The following PNPT1 variants were observed in gnomAD, a reference collection of about 807,000 sequenced individuals.
PNPT1 encodes polyribonucleotide nucleotidyltransferase 1, mitochondrial.
PNPT1 carries 53 observed loss-of-function variants against 119.5 expected under a neutral mutation model. The ratio of observed to expected loss-of-function variants is 0.44; its 90% CI spans 0.36 to 0.56. PNPT1 has a LOEUF of 0.56. Among genes scored for constraint, PNPT1 ranks in the 20% least tolerant of loss-of-function variants. The pLI is 0.00. For synonymous variants in PNPT1, 357 were observed against 322.1 expected (o/e 1.11, Z -1.16); for missense variants, 948 against 938.5 (o/e 1.01, Z -0.13).
intron 8 of PNPT1, 63 bp from the exon 9 acceptor site, chr2:55,673,142 T>C: frequency 7.8e-7 from 1 of 1,287,940 alleles, no homozygotes; most frequent in Non-Finnish European, 1.1e-6. Flanking sequence ...TATAACATTT[T>C]CAAATACCAT....
At chr2:55,645,933 T>C (rs1260566123) in intron 21 of PNPT1, among the ~76,000 whole-genome samples, 2 of 152,100 alleles carry the variant, frequency 1.3e-5, no homozygotes, top group East Asian at 1.9e-4. Flanking sequence ...GCTCAAGCGA[T>C]TCTCTTGTCT....
At chr2:55,637,981 CAG>C (rs369189051) in intron 26 of PNPT1, among the ~76,000 whole-genome samples, 22 of 133,330 alleles carry the variant, frequency 1.7e-4, no homozygotes, top group African/African-American at 6.0e-4. Flanking sequence ...GCCTGGGTGA[CAG>C]AGAGAGAATC....
chr2:55,689,123 C>T (rs1372498892), intron 1 of PNPT1, among the ~76,000 whole-genome samples: 3 of 152,008 alleles, frequency 2.0e-5, no homozygotes, highest in African/African-American at 7.3e-5. Context: ...AAATTTAAAA[C>T]TTTAATTAAG....
chr2:55,674,497 G>A lies in PNPT1; in HGVS notation c.680-1418C>T, dbSNP rs528603281. ...AGTCCCAGCTACTCAGGAGGCTGAGGCATGAGAATCACTTGAACCCAGGAG... is the reference window on the plus strand; with the variant it reads ...AGTCCCAGCTACTCAGGAGGCTGAGACATGAGAATCACTTGAACCCAGGAG... On this transcript the variant is annotated intron_variant, in intron 8 of 27. Transcript: ENST00000447944. Among the ~76,000 whole-genome samples the A allele has an allele frequency of 2.0e-5, 3 of 152,266 alleles. No homozygotes were observed. In the South Asian group the frequency reaches 6.2e-4, roughly 32 times the overall value.
intron 26 of PNPT1, among the ~76,000 whole-genome samples, chr2:55,639,509 T>A (rs780139014): frequency 6.6e-6 from 1 of 152,212 alleles, no homozygotes; most frequent in Non-Finnish European, 1.5e-5. Flanking sequence ...AAAACTGATA[T>A]CTTAATTTCA....
Position 55,644,673 on chromosome 2 carries a change from C to A in PNPT1, c.1870G>T (p.Gly624Cys). Residue 624 changes from glycine to cysteine, a missense_variant, in exon 23 of 28, where the codon GGT (glycine) becomes TGT (cysteine). Gly to Cys is a radical substitution (Grantham distance 159). Transcript: ENST00000447944. ...LSKRAKFVGP[G>C]GYNLKKLQAE... The stretch of plus-strand genomic sequence containing the variant: ...TGAAGTTTTTTTAAGTTATAGCCAC[C>A]AGGTCCAACAAATTTTGCTCGTTTT... 1 of 1,612,644 alleles carries A rather than the reference C, an allele frequency of 6.2e-7. No homozygotes were observed. Among genetic ancestry groups the A allele is most frequent in the Non-Finnish European group, 8.5e-7 (1 of 1,178,992 alleles).
At chr2:55,667,158 T>C in intron 12 of PNPT1, 65 bp from the exon 13 acceptor site, 1 of 1,263,652 alleles carries the variant, frequency 7.9e-7, no homozygotes, top group Non-Finnish European at 1.1e-6. Flanking sequence ...CATGTCTTTA[T>C]CTCTCCCAGG....
At chr2:55,655,900 G>T (rs538075867) in intron 17 of PNPT1, among the ~76,000 whole-genome samples, 4 of 152,102 alleles carry the variant, frequency 2.6e-5, no homozygotes, top group Non-Finnish European at 5.9e-5. Flanking sequence ...AGCCAAACTG[G>T]ATCTACTATA....
At chr2:55,651,822 C>T (rs1696217606) in intron 18 of PNPT1, among the ~76,000 whole-genome samples, 1 of 141,358 alleles carries the variant, frequency 7.1e-6, no homozygotes, top group Non-Finnish European at 1.5e-5. Flanking sequence ...CTGTATAAAG[C>T]TATCCTTCCT....
Position 55,636,084 on chromosome 2 carries a change from AT to A in PNPT1, c.*152del, listed in dbSNP as rs1695661332. 1.4e-5 allele frequency: 6 copies of A among 428,664 alleles called. No individual in the cohort carries two copies. In the East Asian group the frequency reaches 1.5e-4, roughly 11 times the overall value. The allele number at this position is 428,664 out of a possible 1,614,324, so 26.6% of individuals were successfully genotyped here. On this transcript the variant is annotated 3_prime_UTR_variant, in exon 28 of 28. Coordinates refer to ENST00000447944, the MANE Select transcript of PNPT1 (RefSeq NM_033109.5). ...AATATGGGTTACTCGAATTAAAAAA[AT>A]GGCACATGTAAATGAGCATTTTAGT...
At chr2:55,665,820 A>G (rs765250010) in intron 13 of PNPT1, among the ~76,000 whole-genome samples, 17 of 152,246 alleles carry the variant, frequency 1.1e-4, no homozygotes, top group Non-Finnish European at 2.1e-4. Flanking sequence ...GAATTAAAGA[A>G]ACAATTAATG....
intron 21 of PNPT1, among the ~76,000 whole-genome samples, chr2:55,646,048 G>A (rs935493210): frequency 1.3e-5 from 2 of 151,996 alleles, no homozygotes; most frequent in African/African-American, 2.4e-5. Context: ...GGCTGGTCTC[G>A]AACTCCTGAC....
Position 55,671,304 on chromosome 2 carries a change from T to A in PNPT1, c.976+15A>T. 1 of 1,417,946 alleles carries A rather than the reference T, an allele frequency of 7.1e-7. No individual in the cohort carries two copies. Among genetic ancestry groups the A allele is most frequent in the Non-Finnish European group, 9.5e-7 (1 of 1,049,790 alleles). The allele number at this position is 1,417,946 out of a possible 1,614,324, so 87.8% of individuals were successfully genotyped here. ...CCCTCAGCAAAAAAATAAAATAAAA[T>A]AAAATAAAATTTACCTTTTAGTTGT... On this transcript the variant is annotated intron_variant, in intron 11 of 27. Coordinates refer to ENST00000447944, the MANE Select transcript of PNPT1 (RefSeq NM_033109.5).
At position 55,636,244 on chromosome 2, in the gene PNPT1, G is replaced by C. The variant is rs1051308974; in HGVS notation, c.2345C>G (p.Ser782Cys). ...TCTCTTTAAAAAAAAAAATCACTGA[G>C]AATTAGATGATGACTGTGAAATAGG... ...GEPISQSSSN[S>C]Q Residue 782 changes from serine (S) to cysteine (C), a missense_variant, in exon 28 of 28, where the codon TCT becomes TGT. Coordinates refer to ENST00000447944, the MANE Select transcript of PNPT1 (RefSeq NM_033109.5). 1.1e-5 allele frequency: 18 copies of C among 1,604,950 alleles called. No individual in the cohort carries two copies. The Admixed American group carries it at 2.4e-4, about 21-fold the overall frequency.
intron 17 of PNPT1, among the ~76,000 whole-genome samples, chr2:55,655,518 T>C (rs1696358714): frequency 2.0e-5 from 3 of 152,252 alleles, no homozygotes; most frequent in South Asian, 2.1e-4. Flanking sequence ...GTTAAAGATA[T>C]AGGGCTTTGG....
intron 27 of PNPT1, 115 bp downstream of exon 27, chr2:55,637,437 G>A (rs1347307851): frequency 1.1e-6 from 1 of 873,372 alleles, no homozygotes; most frequent in African/African-American, 1.7e-5. Context: ...ATGAAGTACT[G>A]CATACAAATA....
intron 15 of PNPT1, among the ~76,000 whole-genome samples, chr2:55,657,514 A>G (rs2104077110): frequency 1.3e-5 from 2 of 151,544 alleles, no homozygotes; most frequent in East Asian, 2.0e-4. Context: ...CAGCCTCCCA[A>G]GTAGCTGGGA....
rs948689653 is a variant in PNPT1 at position 55,683,810 on chromosome 2, G to T, written c.428C>A (p.Pro143Gln). The T allele has an allele frequency of 6.2e-7, 1 of 1,613,590 alleles. No individual in the cohort carries two copies. ...IIDRSIRPLF[P>Q]AGYFYDTQVL... The stretch of plus-strand genomic sequence containing the variant: ...CTGTGTATCATAGAAGTAGCCAGCT[G>T]GAAAGAGCGGTCTAATTGAACGATC... Residue 143 changes from proline to glutamine, a missense_variant, in exon 5 of 28, where the codon CCA (proline) becomes CAA (glutamine). Coordinates refer to ENST00000447944, the MANE Select transcript of PNPT1 (RefSeq NM_033109.5).
At chr2:55,640,102 T>C (rs1695791514) in intron 26 of PNPT1, among the ~76,000 whole-genome samples, 1 of 152,214 alleles carries the variant, frequency 6.6e-6, no homozygotes, top group Non-Finnish European at 1.5e-5. Flanking sequence ...GGGCCGGTAA[T>C]ATACTATTTT....
Sources: gnomAD v4.1 joint callset for allele counts (sites outside exome capture counted in the v4.1 genomes callset) on GRCh38, gnomAD v4.1.1 for gene constraint, MANE v1.5 for transcripts, NCBI Gene and HGNC (gene_info 2026-07-23, HGNC 2026-07-21) for gene names.